SORCS3: variants seen among roughly 807,000 people sequenced by gnomAD.
SORCS3 encodes VPS10 domain-containing receptor SorCS3.
SORCS3 carries 57 observed loss-of-function variants against 146.3 expected under a neutral mutation model. The ratio of observed to expected loss-of-function variants is 0.39; its 90% confidence interval spans 0.31 to 0.49. The LOEUF (loss-of-function observed/expected upper bound fraction) is 0.49. SORCS3 is among the 20% of genes least tolerant of loss of function. SORCS3 has a pLI of 0.92. For missense variants in SORCS3, 1,341 were observed against 1,575.5 expected (o/e 0.85, Z 2.52); for synonymous variants, 653 against 618.5 (o/e 1.06, Z -0.83).
chr10:105,020,185 C>T (rs1169331207), intron 4 of SORCS3, among the ~76,000 whole-genome samples: 1 of 152,132 alleles, frequency 6.6e-6, no homozygotes. Flanking sequence ...CTTTTTGGCT[C>T]TGTTATTGGT....
chr10:105,219,605 A>G (rs11192368), intron 19 of SORCS3, among the ~76,000 whole-genome samples: 11,471 of 152,292 alleles, frequency 0.075, 636 homozygotes, highest in Admixed American at 0.15. Context: ...TTTCAGGTCC[A>G]TGTTATCTTT....
chr10:104,658,551 C>A (rs968563702), intron 1 of SORCS3, among the ~76,000 whole-genome samples: 2 of 152,158 alleles, frequency 1.3e-5, no homozygotes, highest in Admixed American at 1.3e-4. Flanking sequence ...GGCAACAGTT[C>A]ATTATGTTGG....
intron 19 of SORCS3, among the ~76,000 whole-genome samples, chr10:105,220,236 A>C (rs2056692505): frequency 1.3e-5 from 2 of 152,170 alleles, no homozygotes; most frequent in Admixed American, 1.3e-4. Context: ...TGCCCTAAAA[A>C]AACTGCTATA....
At chr10:105,233,717 T>C (rs180988802) in intron 20 of SORCS3, among the ~76,000 whole-genome samples, 4 of 152,220 alleles carry the variant, frequency 2.6e-5, no homozygotes, top group Non-Finnish European at 4.4e-5. Context: ...GCTTCATCCA[T>C]GTTCCTGCAA....
intron 1 of SORCS3, among the ~76,000 whole-genome samples, chr10:104,818,873 G>A (rs1379870156): frequency 2.6e-5 from 4 of 152,018 alleles, no homozygotes; most frequent in African/African-American, 7.3e-5. Context: ...AGCTAAGTAC[G>A]GCATGCATGA....
At chr10:104,898,134 C>T (rs1475095660) in intron 2 of SORCS3, among the ~76,000 whole-genome samples, 1 of 152,180 alleles carries the variant, frequency 6.6e-6, no homozygotes, top group Non-Finnish European at 1.5e-5. Flanking sequence ...AACCTGTTTT[C>T]AGACACCCAC....
At chr10:105,191,444 C>T (rs1398259447) in intron 14 of SORCS3, among the ~76,000 whole-genome samples, 1 of 152,036 alleles carries the variant, frequency 6.6e-6, no homozygotes, top group Non-Finnish European at 1.5e-5. Context: ...AATATAAAGA[C>T]TATAAAACAT....
At chr10:104,793,764 A>G (rs1363977154) in intron 1 of SORCS3, among the ~76,000 whole-genome samples, 1 of 152,242 alleles carries the variant, frequency 6.6e-6, no homozygotes, top group Non-Finnish European at 1.5e-5. Flanking sequence ...ATATGATTGA[A>G]GTATACCTGT....
intron 1 of SORCS3, among the ~76,000 whole-genome samples, chr10:104,825,706 C>T (rs994808451): frequency 6.6e-6 from 1 of 152,150 alleles, no homozygotes; most frequent in Non-Finnish European, 1.5e-5. Flanking sequence ...TAGAAATTGG[C>T]AAGGAATTGT....
At chr10:104,700,954 G>A (rs563929190) in intron 1 of SORCS3, among the ~76,000 whole-genome samples, 1 of 152,306 alleles carries the variant, frequency 6.6e-6, no homozygotes, top group Admixed American at 6.5e-5. Flanking sequence ...TATTCATACT[G>A]ATAGAAGACT....
intron 20 of SORCS3, among the ~76,000 whole-genome samples, chr10:105,236,637 T>C (rs1412041941): frequency 1.3e-5 from 2 of 152,160 alleles, no homozygotes; most frequent in African/African-American, 2.4e-5. Context: ...GAAGACACAA[T>C]GTTTCTCTAC....
At chr10:104,659,731 T>A (rs2015676756) in intron 1 of SORCS3, among the ~76,000 whole-genome samples, 1 of 152,208 alleles carries the variant, frequency 6.6e-6, no homozygotes, top group Non-Finnish European at 1.5e-5. Flanking sequence ...TTAAAGGGCT[T>A]GCCAAGGCGC....
At chr10:105,242,038 G>C (rs1159952797) in intron 20 of SORCS3, among the ~76,000 whole-genome samples, 1 of 151,820 alleles carries the variant, frequency 6.6e-6, no homozygotes, top group East Asian at 1.9e-4. Flanking sequence ...TTAGCTTGGA[G>C]GTGGGGTTTC....
chr10:105,193,698 G>T (rs998842689), intron 14 of SORCS3, among the ~76,000 whole-genome samples: 1 of 152,150 alleles, frequency 6.6e-6, no homozygotes, highest in African/African-American at 2.4e-5. Flanking sequence ...GAGATGAAGT[G>T]ATTTGCTCAA....
intron 5 of SORCS3, among the ~76,000 whole-genome samples, chr10:105,085,990 T>C (rs900660297): frequency 2.6e-5 from 4 of 152,170 alleles, no homozygotes; most frequent in Non-Finnish European, 5.9e-5. Context: ...TGTCACACTG[T>C]CAATTTTTTT....
chr10:105,177,848 T>C (rs574820873), intron 13 of SORCS3, among the ~76,000 whole-genome samples: 1 of 152,270 alleles, frequency 6.6e-6, no homozygotes, highest in African/African-American at 2.4e-5. Context: ...TGTTGAAATA[T>C]ATCTGCAACT....
At chr10:104,883,865 G>A (rs1163393756) in intron 2 of SORCS3, among the ~76,000 whole-genome samples, 3 of 151,994 alleles carry the variant, frequency 2.0e-5, no homozygotes, top group Non-Finnish European at 4.4e-5. Context: ...TGCCTTTGCT[G>A]TCAAATCTGC....
intron 2 of SORCS3, among the ~76,000 whole-genome samples, chr10:104,865,663 GAC>G (rs2018451550): frequency 6.6e-6 from 1 of 152,220 alleles, no homozygotes; most frequent in East Asian, 1.9e-4. Context: ...AAGACAGAAA[GAC>G]AGTCAAATGC....
chr10:104,919,892 T>A (rs1481881627), intron 3 of SORCS3, among the ~76,000 whole-genome samples: 1 of 152,086 alleles, frequency 6.6e-6, no homozygotes, highest in African/African-American at 2.4e-5. Flanking sequence ...TTAGCAGAAA[T>A]CCCCCTTCTC....
Sources: gnomAD v4.1 joint callset for allele counts (sites outside exome capture counted in the v4.1 genomes callset) on GRCh38, gnomAD v4.1.1 for gene constraint, MANE v1.5 for transcripts, NCBI Gene and HGNC (gene_info 2026-07-23, HGNC 2026-07-21) for gene names.